IGSF3: variants seen among roughly 807,000 people sequenced by gnomAD.
IGSF3 encodes the protein immunoglobulin superfamily member 3.
Under a neutral mutation model 114.4 loss-of-function variants are expected in IGSF3, and 23 were observed. The observed-to-expected ratio is 0.20, with a 90% CI of 0.14 to 0.28. IGSF3 has a LOEUF of 0.28. Ranked by LOEUF, IGSF3 falls within the 10% of genes least tolerant of loss-of-function variation. The pLI is 1.00. For missense variants in IGSF3, 1,172 were observed against 1,591.5 expected (o/e 0.74, Z 4.48); for synonymous variants, 571 against 645.2 (o/e 0.88, Z 1.74).
chr1:116,603,562 A>C lies in IGSF3; in HGVS notation c.1624+62T>G. ...ACTCTGACTGAGAAAAGTCAGGATAAGGTGTTTGACACTGAAGCTGTCTCC... is the reference window on the plus strand; with the variant it reads ...ACTCTGACTGAGAAAAGTCAGGATACGGTGTTTGACACTGAAGCTGTCTCC... On this transcript the variant is annotated intron_variant, in intron 6 of 10. Coordinates refer to ENST00000369486, the MANE Select transcript of IGSF3 (RefSeq NM_001007237.3). This position sits in a 1 kb window ranked among gnomAD's most constrained non-coding sequence, Gnocchi z 7.1. 1 of 1,503,348 alleles carries C rather than the reference A, an allele frequency of 6.7e-7. No homozygotes were observed. Among genetic ancestry groups the C allele is most frequent in the Middle Eastern group, 1.8e-4 (1 of 5,610 alleles). The allele number at this position is 1,503,348 out of a possible 1,614,324, so 93.1% of individuals were successfully genotyped here.
Position 116,633,710 on chromosome 1 carries a change from C to A in IGSF3, c.44-17253G>T, listed in dbSNP as rs1451763040. Among the ~76,000 whole-genome samples, 1 of 151,800 alleles carries A rather than the reference C, an allele frequency of 6.6e-6. No homozygotes were observed. Among genetic ancestry groups the A allele is most frequent in the Admixed American group, 6.6e-5 (1 of 15,260 alleles). On this transcript the variant is annotated intron_variant, in intron 2 of 10. Coordinates refer to ENST00000369486, the MANE Select transcript of IGSF3 (RefSeq NM_001007237.3). This position sits in a 1 kb window ranked among gnomAD's most constrained non-coding sequence, Gnocchi z 4.3. Reference sequence around the variant, plus strand: ...TACTAAACTCTCTGTGCCTTAGAACCAAAAATAAAAAATAAAAATTCAAAA... The same window carrying A: ...TACTAAACTCTCTGTGCCTTAGAACAAAAAATAAAAAATAAAAATTCAAAA...
At chr1:116,641,495 C>CAAAAAAAAAAAAAAA (rs57930787) in intron 2 of IGSF3, among the ~76,000 whole-genome samples, 9 of 40,680 alleles carry the variant, frequency 2.2e-4, no homozygotes, top group Admixed American at 3.2e-4. Context: ...GACTCTGTCT[C>CAAAAAAAAAAAAAAA]AAAAAAAAAA....
intron 2 of IGSF3, among the ~76,000 whole-genome samples, chr1:116,641,586 A>G (rs1648107677): frequency 6.6e-6 from 1 of 151,866 alleles, no homozygotes; most frequent in Admixed American, 6.6e-5. Context: ...TAAAAGAAGG[A>G]AATGCCATAA....
chr1:116,642,093 A>T lies in IGSF3; in HGVS notation c.43+24191T>A, dbSNP rs1406591538. 6.6e-6 allele frequency among the ~76,000 whole-genome samples: 1 copy of T among 152,136 alleles called. No homozygotes were observed. The highest frequency in any genetic ancestry group is 6.5e-5 in the Admixed American group (1 of 15,286). ...CCCAACATCAGATTTCAAAAGTACT[A>T]CTGATATTATTATCACCATTAAAAA... On this transcript the variant is annotated intron_variant, in intron 2 of 10. Transcript: ENST00000369486. The surrounding 1 kb of genome is among the most constrained non-coding windows in gnomAD (Gnocchi z 5.4).
intron 7 of IGSF3, among the ~76,000 whole-genome samples, chr1:116,591,667 G>A (rs896643735): frequency 1.3e-5 from 2 of 152,158 alleles, no homozygotes; most frequent in African/African-American, 2.4e-5. Context: ...CCTATTCTAT[G>A]CTCTGGATTT....
At position 116,661,479 on chromosome 1, in the gene IGSF3, C is replaced by T. The variant is rs1649115419; in HGVS notation, c.43+4805G>A. Among the ~76,000 whole-genome samples, 2 of 152,164 alleles carry T rather than the reference C, an allele frequency of 1.3e-5. No individual in the cohort carries two copies. Among genetic ancestry groups the T allele is most frequent in the Admixed American group, 6.5e-5 (1 of 15,276 alleles). Reference sequence around the variant, plus strand: ...AACACTTTAATACTCACTGATAAAACCACAAAATGTAGTGTTTAATTATAT... The same window carrying T: ...AACACTTTAATACTCACTGATAAAATCACAAAATGTAGTGTTTAATTATAT... On this transcript the variant is annotated intron_variant, in intron 2 of 10. Coordinates refer to ENST00000369486, the MANE Select transcript of IGSF3 (RefSeq NM_001007237.3). The surrounding 1 kb of genome is among the most constrained non-coding windows in gnomAD (Gnocchi z 4.0).
chr1:116,621,676 T>G (rs1210904117), intron 2 of IGSF3, among the ~76,000 whole-genome samples: 1 of 152,182 alleles, frequency 6.6e-6, no homozygotes, highest in Non-Finnish European at 1.5e-5. Context: ...AAAATTGTGT[T>G]ACATACACAT....
chr1:116,576,954 G>C lies in IGSF3; in HGVS notation c.*358C>G, dbSNP rs1043186747. On this transcript the variant is annotated 3_prime_UTR_variant, in exon 11 of 11. Coordinates refer to ENST00000369486, the MANE Select transcript of IGSF3 (RefSeq NM_001007237.3). The surrounding 1 kb of genome is among the most constrained non-coding windows in gnomAD (Gnocchi z 4.6). ...AGGAATCCAAAAAGGGTAAACTAAA[G>C]GGATTTAAAAAGAGTACATTACAAA... 4.3e-5 allele frequency: 8 copies of C among 184,942 alleles called. No homozygotes were observed. Among genetic ancestry groups the C allele is most frequent in the Non-Finnish European group, 7.9e-5 (7 of 88,314 alleles). The allele number at this position is 184,942 out of a possible 1,614,324, so 11.5% of individuals were successfully genotyped here.
chr1:116,615,791 A>G lies in IGSF3; in HGVS notation c.421+289T>C, dbSNP rs1661192979. On this transcript the variant is annotated intron_variant, in intron 3 of 10. Transcript: ENST00000369486. The surrounding 1 kb of genome is among the most constrained non-coding windows in gnomAD (Gnocchi z 4.3). ...CTTGTCATTCAGATCATCAACCACA[A>G]ACATCCTTGCCTTATATTTTCATAT... Among the ~76,000 whole-genome samples, 1 of 152,140 alleles carries G rather than the reference A, an allele frequency of 6.6e-6. No individual in the cohort carries two copies. The highest frequency in any genetic ancestry group is 1.5e-5 in the Non-Finnish European group (1 of 68,024).
At position 116,576,612 on chromosome 1, in the gene IGSF3, A is replaced by G. The variant is rs1313533692; in HGVS notation, c.*700T>C. 6.6e-6 allele frequency: 1 copy of G among 152,670 alleles called. No homozygotes were observed. The highest frequency in any genetic ancestry group is 2.4e-5 in the African/African-American group (1 of 41,462). The allele number at this position is 152,670 out of a possible 1,614,324, so 9.5% of individuals were successfully genotyped here. A position where few individuals can be genotyped will look rare whatever the true frequency, so the allele number is the denominator to read the frequency against. ...CTCCCTGACAGATAGGCCGGGCACCATCTACTCCTAATGGGGTTATGCAGG... is the reference window on the plus strand; with the variant it reads ...CTCCCTGACAGATAGGCCGGGCACCGTCTACTCCTAATGGGGTTATGCAGG... On this transcript the variant is annotated 3_prime_UTR_variant, in exon 11 of 11. Coordinates refer to ENST00000369486, the MANE Select transcript of IGSF3 (RefSeq NM_001007237.3). The surrounding 1 kb of genome is among the most constrained non-coding windows in gnomAD (Gnocchi z 4.6).
rs531457319 is a variant in IGSF3, at chr1:116,579,647, GGTCGTCGTCGTC to G, written c.3067_3078del (p.Asp1023_Asp1026del). On this transcript the variant is annotated inframe_deletion, in exon 10 of 11. Coordinates refer to ENST00000369486, the MANE Select transcript of IGSF3 (RefSeq NM_001007237.3). This position sits in a 1 kb window ranked among gnomAD's most constrained non-coding sequence, Gnocchi z 6.4. ...CTCAGCAGGGCCGTCCGCTCTGTTG[GGTCGTCGTCGTC>G]GTCGTCGTCCTCCTCCTCCTCCTCC... 279 of 1,595,714 alleles carry G rather than the reference GGTCGTCGTCGTC, an allele frequency of 1.7e-4. No individual in the cohort carries two copies. Among genetic ancestry groups the G allele is most frequent in the Non-Finnish European group, 2.2e-4 (259 of 1,166,940 alleles).
In IGSF3 at chr1:116,588,754, C is replaced by T. The variant is rs778373983; in HGVS notation, c.2380G>A (p.Ala794Thr). ...VEEWLLSPNY[A>T]WYKLAEEVSG... is the part of the protein sequence containing the mutation. Reference sequence around the variant, plus strand: ...ACCTCCTCTGCCAGCTTGTACCAGGCGTAGTTGGGGCTCAGCAGCCACTCC... The same window carrying T: ...ACCTCCTCTGCCAGCTTGTACCAGGTGTAGTTGGGGCTCAGCAGCCACTCC... The change falls in exon 8 of 11, where the codon GCC becomes ACC. Residue 794 changes from alanine (A) to threonine (T), a missense_variant. Around this residue, in one of 3 missense-constraint regions of IGSF3, gnomAD observed 13 missense variants for 39.7 expected, o/e 0.33. Transcript: ENST00000369486. This position sits in a 1 kb window ranked among gnomAD's most constrained non-coding sequence, Gnocchi z 4.9. 7.4e-6 allele frequency: 12 copies of T among 1,613,832 alleles called. No homozygotes were observed. In the East Asian group the frequency reaches 1.6e-4, roughly 21 times the overall value.
chr1:116,635,740 G>A (rs530960711), intron 2 of IGSF3, among the ~76,000 whole-genome samples: 289 of 152,302 alleles, frequency 1.9e-3, no homozygotes, highest in Non-Finnish European at 3.2e-3. Flanking sequence ...CTGGTTATGG[G>A]GTCTCTGGTC....
In IGSF3 at chr1:116,603,697, C is replaced by G. The variant is rs61730486; in HGVS notation, c.1551G>C (p.Val517=). The change falls in exon 6 of 11, where the codon GTG becomes GTC. Residue 517 remains valine, a synonymous_variant. Coordinates refer to ENST00000369486, the MANE Select transcript of IGSF3 (RefSeq NM_001007237.3). This position sits in a 1 kb window ranked among gnomAD's most constrained non-coding sequence, Gnocchi z 7.1. The part of the protein sequence containing the change: ...GQYECHVTEW[V]RAVDGEWQIV... ...TCTGCCACTCGCCATCCACTGCCCG[C>G]ACCCATTCAGTCACATGGCATTCAT... is the stretch of plus-strand genomic sequence containing the variant. 1.9e-6 allele frequency: 3 copies of G among 1,613,908 alleles called. No individual in the cohort carries two copies. Among genetic ancestry groups the G allele is most frequent in the African/African-American group, 1.3e-5 (1 of 74,992 alleles).
In IGSF3 at chr1:116,584,727, C is replaced by T. The variant is rs765696329; in HGVS notation, c.2766G>A (p.Glu922=). ...ACATGCCACTGGGGCTGGGCAGCCA[C>T]TCCTCCACATGGCAGCTGTAGGTCC... ...DSGTYSCHVE[E]WLPSPSGMWY... Residue 922 remains glutamate, a synonymous_variant, in exon 9 of 11, where the codon GAG becomes GAA. Coordinates refer to ENST00000369486, the MANE Select transcript of IGSF3 (RefSeq NM_001007237.3). The surrounding 1 kb of genome is among the most constrained non-coding windows in gnomAD (Gnocchi z 5.8). The T allele has an allele frequency of 1.1e-5, 18 of 1,613,432 alleles. 1 individual carries two copies. Among genetic ancestry groups the T allele is most frequent in the Non-Finnish European group, 3.4e-6 (4 of 1,179,430 alleles).
At chr1:116,606,572 G>A (rs760600901) in intron 5 of IGSF3, 2 of 790,408 alleles carry the variant, frequency 2.5e-6, no homozygotes, top group Non-Finnish European at 4.6e-6. Context: ...AATATAGCAG[G>A]CCACAGATCA....
At chr1:116,623,890 A>T (rs1489583950) in intron 2 of IGSF3, among the ~76,000 whole-genome samples, 1 of 151,248 alleles carries the variant, frequency 6.6e-6, no homozygotes, top group Non-Finnish European at 1.5e-5. Context: ...GTTCGAGACC[A>T]GCCTGGCCAA....
rs138188850 is a variant in IGSF3, at chr1:116,625,044, A to C, written c.44-8587T>G. Among the ~76,000 whole-genome samples the C allele has an allele frequency of 1.1e-3, 164 of 152,368 alleles. 1 individual carries two copies. In the East Asian group the frequency reaches 0.016, roughly 15 times the overall value. On this transcript the variant is annotated intron_variant, in intron 2 of 10. Coordinates refer to ENST00000369486, the MANE Select transcript of IGSF3 (RefSeq NM_001007237.3). This position sits in a 1 kb window ranked among gnomAD's most constrained non-coding sequence, Gnocchi z 4.7. ...TTCTCGACCCACAGATTCTGTGAGC[A>C]TAACAAAATTGTTGTTTTAAGCCAC...
intron 7 of IGSF3, among the ~76,000 whole-genome samples, chr1:116,590,069 G>A (rs1378467116): frequency 6.6e-6 from 1 of 152,018 alleles, no homozygotes; most frequent in Non-Finnish European, 1.5e-5. Flanking sequence ...CGGGCGGGGG[G>A]AGAGGGGGCT....
Sources: allele counts gnomAD v4.1 joint callset (sites outside exome capture counted in the v4.1 genomes callset), GRCh38; gene constraint gnomAD v4.1.1; regional missense constraint gnomAD v4.1.1; non-coding constraint Gnocchi (gnomAD v3.1); transcripts MANE v1.5; gene names NCBI Gene and HGNC (gene_info 2026-07-23, HGNC 2026-07-21).